HJURP: variants seen among roughly 807,000 people sequenced by gnomAD.
The protein encoded by HJURP is 14-3-3-associated AKT substrate.
HJURP carries 49 observed loss-of-function variants against 72.0 expected under a neutral mutation model. The ratio of observed to expected loss-of-function variants is 0.68; its 90% CI spans 0.54 to 0.86. The LOEUF is 0.86. HJURP is among the 40% of genes least tolerant of loss of function. The pLI, the probability that HJURP is intolerant of heterozygous loss-of-function variation, is 0.00. For synonymous variants in HJURP, 357 were observed against 347.1 expected (o/e 1.03, Z -0.32); for missense variants, 908 against 936.3 (o/e 0.97, Z 0.39).
Position 233,853,912 on chromosome 2 carries a change from T to A in HJURP, c.118-2A>T, listed in dbSNP as rs1705553751. The A allele has an allele frequency of 1.9e-6, 3 of 1,613,594 alleles. No individual in the cohort carries two copies. Among genetic ancestry groups the A allele is most frequent in the Non-Finnish European group, 2.5e-6 (3 of 1,179,808 alleles). Reference sequence around the variant, plus strand: ...GGTGTCCTCGAAGGGCTGGTTGTACTGCGGAGGAGGAAGGGGCTTCCTGTC... The same window carrying A: ...GGTGTCCTCGAAGGGCTGGTTGTACAGCGGAGGAGGAAGGGGCTTCCTGTC... On this transcript the variant is annotated splice_acceptor_variant, in intron 1 of 8. Coordinates refer to ENST00000411486, the MANE Select transcript of HJURP (RefSeq NM_018410.5). LOFTEE classifies it high-confidence loss of function.
chr2:233,851,153 C>CATT (rs1295368260), intron 3 of HJURP, among the ~76,000 whole-genome samples: 1 of 152,170 alleles, frequency 6.6e-6, no homozygotes, highest in Non-Finnish European at 1.5e-5. Flanking sequence ...AAACTTTTTG[C>CATT]TACCAGGACC....
At position 233,853,885 on chromosome 2, in the gene HJURP, G is replaced by C; in HGVS notation, c.143C>G (p.Pro48Arg). Reference protein sequence around the residue: ...EKYNQPFEDTPVVQMATLTYE... With the variant: ...EKYNQPFEDTRVVQMATLTYE... ...GGTCAGCGTGGCCATTTGCACCACCGGGGTGTCCTCGAAGGGCTGGTTGTA... is the reference window on the plus strand; with the variant it reads ...GGTCAGCGTGGCCATTTGCACCACCCGGGTGTCCTCGAAGGGCTGGTTGTA... The change falls in exon 2 of 9, where the codon CCG becomes CGG. Residue 48 changes from proline to arginine, a missense_variant. By Grantham distance (103) the Pro-to-Arg change is moderately radical. This residue lies in a region of HJURP where 299 missense variants were observed against 286.7 expected (regional missense o/e 1.04). Transcript: ENST00000411486. The C allele has an allele frequency of 1.9e-6, 3 of 1,614,040 alleles. No homozygotes were observed. The highest frequency in any genetic ancestry group is 2.5e-6 in the Non-Finnish European group (3 of 1,179,926).
intron 4 of HJURP, among the ~76,000 whole-genome samples, chr2:233,848,281 A>G (rs1049170863): frequency 6.6e-6 from 1 of 152,132 alleles, no homozygotes; most frequent in Non-Finnish European, 1.5e-5. Flanking sequence ...AAGAGCTCAG[A>G]TAAGAGTGGG....
chr2:233,840,943 T>C lies in HJURP; in HGVS notation c.1837A>G (p.Ser613Gly), dbSNP rs537295768. 13 of 1,614,208 alleles carry C rather than the reference T, an allele frequency of 8.1e-6. No individual in the cohort carries two copies. In the South Asian group the frequency reaches 1.3e-4, roughly 16 times the overall value. ...LCIGVSTDKA[S>G]MEVRYQTEGF... ...TCTGTTTGATATCGAACTTCCATAC[T>C]TGCTTTATCTGTAGACACTCCAATA... The change falls in exon 8 of 9, where the codon AGT becomes GGT. Residue 613 changes from serine (S) to glycine (G), a missense_variant. Ser to Gly is a moderately conservative substitution (Grantham distance 56). This residue lies in a region of HJURP where 598 missense variants were observed against 619.5 expected (regional missense o/e 0.97). Transcript: ENST00000411486.
In HJURP at chr2:233,847,202, T is replaced by C. The variant is rs557393870; in HGVS notation, c.402+195A>G. Among the ~76,000 whole-genome samples the C allele has an allele frequency of 4.5e-4, 69 of 152,234 alleles. 1 individual carries two copies. The highest frequency in any genetic ancestry group is 1.3e-3 in the Admixed American group (20 of 15,296). On this transcript the variant is annotated intron_variant, in intron 5 of 8. Coordinates refer to ENST00000411486, the MANE Select transcript of HJURP (RefSeq NM_018410.5). ...TAGAACTGGCTGCCAGGTGCTAGACTGAGAGGAGGGCCTTACCGCTGAAGG... is the reference window on the plus strand; with the variant it reads ...TAGAACTGGCTGCCAGGTGCTAGACCGAGAGGAGGGCCTTACCGCTGAAGG...
intron 2 of HJURP, among the ~76,000 whole-genome samples, chr2:233,853,166 C>A (rs1242005117): frequency 3.9e-5 from 6 of 152,140 alleles, no homozygotes; most frequent in Non-Finnish European, 7.3e-5. Flanking sequence ...TCTTGTGAAC[C>A]TTCTGTGTCC....
chr2:233,845,046 C>A (rs1198912286), intron 6 of HJURP, among the ~76,000 whole-genome samples: 1 of 152,086 alleles, frequency 6.6e-6, no homozygotes, highest in African/African-American at 2.4e-5. Context: ...CTGATTCTAG[C>A]CTGATCGCAC....
chr2:233,844,353 T>TC, intron 6 of HJURP, 70 bp from the exon 7 acceptor site: 2 of 1,167,788 alleles, frequency 1.7e-6, no homozygotes, highest in Non-Finnish European at 1.3e-6. Context: ...AGCTGGGTTC[T>TC]CCCCTGACGA....
chr2:233,837,675 A>C (rs1416403116), intron 8 of HJURP, 23 bp from the exon 9 acceptor site: 1 of 1,519,926 alleles, frequency 6.6e-7, no homozygotes, highest in South Asian at 1.2e-5. Flanking sequence ...AAAGACAAAG[A>C]AAATGATGTT....
At chr2:233,848,769 T>A (rs992433710) in intron 4 of HJURP, among the ~76,000 whole-genome samples, 1 of 151,822 alleles carries the variant, frequency 6.6e-6, no homozygotes, top group Non-Finnish European at 1.5e-5. Flanking sequence ...TGGCTGGAGG[T>A]TACAGTCAGC....
Position 233,836,866 on chromosome 2 carries a change from C to G in HJURP, c.*711G>C, listed in dbSNP as rs768164364. ...GTGGCTGCAGGAGCGTCTGGGACCA[C>G]CAGGACTGTTTATTTTCCTTCAAGG... On this transcript the variant is annotated 3_prime_UTR_variant, in exon 9 of 9. Coordinates refer to ENST00000411486, the MANE Select transcript of HJURP (RefSeq NM_018410.5). 2 of 152,224 alleles carry G rather than the reference C, an allele frequency of 1.3e-5. No individual in the cohort carries two copies. Among genetic ancestry groups the G allele is most frequent in the East Asian group, 1.9e-4 (1 of 5,202 alleles). 9.4% of individuals were successfully genotyped at this position (152,224 alleles called of 1,614,324 possible). A position where few individuals can be genotyped will look rare whatever the true frequency, so the allele number is the denominator to read the frequency against.
rs1425469647 is a variant in HJURP at position 233,847,431 on chromosome 2, G to GGTCTA, written c.367_368insTAGAC (p.Ser123LeufsTer13). ...CCAAGCAACTGACTCTTCCTGGTCT[G>GGTCTA]ACGTGGCATCGACCTCACCGCTTTT... On this transcript the variant is annotated frameshift_variant, in exon 5 of 9. Transcript: ENST00000411486. LOFTEE classifies it high-confidence loss of function. 1 of 1,614,102 alleles carries GGTCTA rather than the reference G, an allele frequency of 6.2e-7. No individual in the cohort carries two copies. The highest frequency in any genetic ancestry group is 8.5e-7 in the Non-Finnish European group (1 of 1,179,958).
chr2:233,848,141 G>C (rs1018777332), intron 4 of HJURP, among the ~76,000 whole-genome samples: 8 of 152,142 alleles, frequency 5.3e-5, no homozygotes, highest in African/African-American at 1.9e-4. Context: ...CTAACTATTG[G>C]TGTAGGCAAG....
Position 233,840,930 on chromosome 2 carries a change from C to T in HJURP, c.1850G>A (p.Arg617Gln), listed in dbSNP as rs760028992. 19 of 1,613,974 alleles carry T rather than the reference C, an allele frequency of 1.2e-5. No individual in the cohort carries two copies. In the Admixed American group the frequency reaches 1.3e-4, roughly 11 times the overall value. Reference sequence around the variant, plus strand: ...TCCTAAGAAGCCTTCTGTTTGATATCGAACTTCCATACTTGCTTTATCTGT... The same window carrying T: ...TCCTAAGAAGCCTTCTGTTTGATATTGAACTTCCATACTTGCTTTATCTGT... ...VSTDKASMEV[R>Q]YQTEGFLGKL... Residue 617 changes from arginine (R) to glutamine (Q), a missense_variant, in exon 8 of 9, where the codon CGA becomes CAA. Arg to Gln is a conservative substitution (Grantham distance 43). Around this residue, in one of 3 missense-constraint regions of HJURP, gnomAD observed 598 missense variants for 619.5 expected, o/e 0.97. Coordinates refer to ENST00000411486, the MANE Select transcript of HJURP (RefSeq NM_018410.5).
rs960755791 is a variant in HJURP, at chr2:233,846,381, A to C, written c.403-561T>G. Reference sequence around the variant, plus strand: ...GCAGGAGAATCGCTTGAACCCAGGAAGTAGAGGTTGCAGTGAGCTGAGATT... The same window carrying C: ...GCAGGAGAATCGCTTGAACCCAGGACGTAGAGGTTGCAGTGAGCTGAGATT... On this transcript the variant is annotated intron_variant, in intron 5 of 8. Transcript: ENST00000411486. This position sits in a 1 kb window ranked among gnomAD's most constrained non-coding sequence, Gnocchi z 4.3. Among the ~76,000 whole-genome samples the C allele has an allele frequency of 4.6e-5, 7 of 152,242 alleles. No homozygotes were observed. The East Asian group carries it at 1.4e-3, about 29-fold the overall frequency.
In HJURP at chr2:233,840,984, A is replaced by G. The variant is rs780174946; in HGVS notation, c.1796T>C (p.Met599Thr). The part of the protein sequence containing the change: ...QKYCLKSPGQ[M>T]TVPLCIGVST... ...CACTCCAATACATAAAGGCACTGTC[A>G]TCTGCCCAGGAGATTTGAGGCAATA... Residue 599 changes from methionine to threonine, a missense_variant, in exon 8 of 9, where the codon ATG (methionine) becomes ACG (threonine). Met to Thr is a moderately conservative substitution (Grantham distance 81). Around this residue, in one of 3 missense-constraint regions of HJURP, gnomAD observed 598 missense variants for 619.5 expected, o/e 0.97. Transcript: ENST00000411486. The G allele has an allele frequency of 1.2e-6, 2 of 1,614,214 alleles. No individual in the cohort carries two copies. The highest frequency in any genetic ancestry group is 3.3e-5 in the Admixed American group (2 of 60,028).
In HJURP at chr2:233,841,234, G is replaced by A. The variant is rs760914242; in HGVS notation, c.1546C>T (p.Pro516Ser). The change falls in exon 8 of 9, where the codon CCC (proline) becomes TCC (serine). Residue 516 changes from proline (P) to serine (S), a missense_variant. Physicochemically the swap from Pro to Ser is moderately conservative, Grantham distance 74 (BLOSUM62 -1). This residue lies in a region of HJURP where 598 missense variants were observed against 619.5 expected (regional missense o/e 0.97). Coordinates refer to ENST00000411486, the MANE Select transcript of HJURP (RefSeq NM_018410.5). ...AGTGATGAAGATGAATCGCTCTTGG[G>A]CAGGCACCTACCTGCTTCCAGAGAT... ...KRSLEAGRCL[P>S]KSDSSSSLPK... The A allele has an allele frequency of 1.2e-6, 2 of 1,614,122 alleles. No individual in the cohort carries two copies. The highest frequency in any genetic ancestry group is 1.7e-6 in the Non-Finnish European group (2 of 1,179,980).
Position 233,837,332 on chromosome 2 carries a change from A to C in HJURP, c.*245T>G. 2 of 342,796 alleles carry C rather than the reference A, an allele frequency of 5.8e-6. No individual in the cohort carries two copies. The highest frequency in any genetic ancestry group is 1.1e-5 in the Non-Finnish European group (2 of 187,474). 21.2% of individuals were successfully genotyped at this position (342,796 alleles called of 1,614,324 possible). ...AACAAACAAATAACCCCCCCCCAAA[A>C]AAAACACACACATCAGAAAAACAGG... On this transcript the variant is annotated 3_prime_UTR_variant, in exon 9 of 9. Coordinates refer to ENST00000411486, the MANE Select transcript of HJURP (RefSeq NM_018410.5).
chr2:233,854,282 G>A, intron 1 of HJURP, 102 bp downstream of exon 1: 1 of 748,554 alleles, frequency 1.3e-6, no homozygotes. Context: ...CCCAACCCCC[G>A]CTCCGAGTCC....
Sources: gnomAD v4.1 joint callset for allele counts (sites outside exome capture counted in the v4.1 genomes callset) on GRCh38, gnomAD v4.1.1 for gene constraint, gnomAD v4.1.1 regional missense constraint, Gnocchi (gnomAD v3.1) non-coding constraint, MANE v1.5 for transcripts, NCBI Gene and HGNC (gene_info 2026-07-23, HGNC 2026-07-21) for gene names.